APTX: variants seen among roughly 807,000 people sequenced by gnomAD.
The protein encoded by APTX is forkhead-associated domain histidine triad-like protein.
A neutral mutation model predicts 42.3 loss-of-function variants in APTX; 33 were observed. The observed-to-expected ratio is 0.78, with a 90% CI of 0.59 to 1.04. The LOEUF (loss-of-function observed/expected upper bound fraction) is 1.04, where lower values mean the gene tolerates loss of function less well. Among genes scored for constraint, APTX ranks in the 50% least tolerant of loss-of-function variants. The pLI, the probability that APTX is intolerant of heterozygous loss-of-function variation, is 0.00. For synonymous variants in APTX, 130 were observed against 146.7 expected (o/e 0.89, Z 0.82); for missense variants, 421 against 415.1 (o/e 1.01, Z -0.12).
rs371627062 is a variant in APTX, at chr9:32,984,801, G to A, written c.600C>T (p.Tyr200=). The part of the protein sequence containing the change: ...VIKDKYPKAR[Y]HWLVLPWTSI... Reference sequence around the variant, plus strand: ...AGGTCCACGGTAAGACCAGCCAATGGTAACGGGCCTTTGGGTATTTATCCT... The same window carrying A: ...AGGTCCACGGTAAGACCAGCCAATGATAACGGGCCTTTGGGTATTTATCCT... The change falls in exon 6 of 8, where the codon TAC becomes TAT. Residue 200 remains tyrosine (Y), a synonymous_variant. Transcript: ENST00000379817. 1.2e-6 allele frequency: 2 copies of A among 1,614,228 alleles called. No homozygotes were observed. The highest frequency in any genetic ancestry group is 1.7e-5 in the Admixed American group (1 of 60,030).
In APTX at chr9:32,973,600, C is replaced by T. The variant is rs770727980; in HGVS notation, c.927G>A (p.Met309Ile). The T allele has an allele frequency of 1.2e-6, 2 of 1,613,542 alleles. No homozygotes were observed. Among genetic ancestry groups the T allele is most frequent in the Non-Finnish European group, 1.7e-6 (2 of 1,179,948 alleles). The change falls in exon 8 of 8, where the codon ATG becomes ATA. Residue 309 changes from methionine (M) to isoleucine (I), a missense_variant. Coordinates refer to ENST00000379817, the MANE Select transcript of APTX (RefSeq NM_001195248.2). ...GAAGGGGCAGCTTCAAGAGCTCAGGCATCCCATCTCGGACAGTTACTCTAC... is the reference window on the plus strand; with the variant it reads ...GAAGGGGCAGCTTCAAGAGCTCAGGTATCCCATCTCGGACAGTTACTCTAC... Reference protein sequence around the residue: ...EAGRVTVRDGMPELLKLPLRC... With the variant: ...EAGRVTVRDGIPELLKLPLRC...
At chr9:33,019,969 C>A in intron 1 of APTX, 1 of 425,276 alleles carries the variant, frequency 2.4e-6, no homozygotes. Flanking sequence ...GCATTCCTGG[C>A]CCTTGGCCAC....
At chr9:33,025,103 G>C (rs1838763227) in exon 1 of APTX, 1 of 152,356 alleles carries the variant, frequency 6.6e-6, no homozygotes, top group East Asian at 1.9e-4. Context: ...GGGAAGCCGC[G>C]CTAGCACCAA....
At chr9:32,997,465 AAGG>A (rs1835215684) in intron 1 of APTX, 1 of 152,142 alleles carries the variant, frequency 6.6e-6, no homozygotes, top group Non-Finnish European at 1.5e-5. Context: ...GATTGGGAGG[AAGG>A]AGGTGTCAGG....
At chr9:32,992,095 T>C (rs1409100231) in intron 1 of APTX, among the ~76,000 whole-genome samples, 2 of 152,004 alleles carry the variant, frequency 1.3e-5, no homozygotes, top group African/African-American at 4.8e-5. Flanking sequence ...AACAGGGAAT[T>C]ATGGGCAGAG....
intron 6 of APTX, chr9:32,979,500 G>C (rs1830222688): frequency 6.5e-6 from 1 of 153,514 alleles, no homozygotes; most frequent in Non-Finnish European, 1.5e-5. Flanking sequence ...GTGCTGCAAT[G>C]AACATACAAA....
chr9:33,003,611 G>A (rs1262830184), upstream of APTX, among the ~76,000 whole-genome samples: 2 of 151,688 alleles, frequency 1.3e-5, no homozygotes, highest in Non-Finnish European at 2.9e-5. Flanking sequence ...CAGCCTGGGC[G>A]ATAGAGCAAG....
intron 1 of APTX, chr9:33,019,750 AG>A (rs1564006268): frequency 3.4e-6 from 2 of 590,242 alleles, no homozygotes; most frequent in African/African-American, 3.9e-5. Flanking sequence ...GCACCACCAG[AG>A]AAAGATGGTC....
intron 1 of APTX, among the ~76,000 whole-genome samples, chr9:33,013,130 A>G (rs1311131307): frequency 1.3e-5 from 2 of 152,220 alleles, no homozygotes; most frequent in East Asian, 1.9e-4. Context: ...TTTGAATAGG[A>G]TAATTTCTAT....
intron 1 of APTX, among the ~76,000 whole-genome samples, chr9:33,017,024 A>G (rs1304774543): frequency 6.6e-6 from 1 of 152,204 alleles, no homozygotes; most frequent in Non-Finnish European, 1.5e-5. Context: ...CCTACAAATA[A>G]AACTGTTCCT....
chr9:33,019,264 G>A (rs1838165099), intron 1 of APTX, among the ~76,000 whole-genome samples: 1 of 152,000 alleles, frequency 6.6e-6, no homozygotes, highest in Non-Finnish European at 1.5e-5. Flanking sequence ...TAGGAATGAA[G>A]GAGAGAGTTC....
Position 32,973,565 on chromosome 9 carries a change from T to C in APTX, c.962A>G (p.Glu321Gly). Residue 321 changes from glutamate to glycine, a missense_variant, in exon 8 of 8, where the codon GAG (glutamate) becomes GGG (glycine). Transcript: ENST00000379817. ...AATGGAAGGCAGCAGCTGCTGGCAC[T>C]CATGACAACGAAGGGGCAGCTTCAA... ...ELLKLPLRCHECQQLLPSIPQ... is the reference protein window; with the variant it reads ...ELLKLPLRCHGCQQLLPSIPQ... 6.2e-7 allele frequency: 1 copy of C among 1,614,006 alleles called. No homozygotes were observed. Among genetic ancestry groups the C allele is most frequent in the African/African-American group, 1.3e-5 (1 of 74,966 alleles).
upstream of APTX, among the ~76,000 whole-genome samples, chr9:33,003,106 C>T (rs1257002309): frequency 6.6e-6 from 1 of 152,204 alleles, no homozygotes; most frequent in African/African-American, 2.4e-5. Flanking sequence ...CTCAATTAAG[C>T]ATCCCTCTCG....
At chr9:32,987,426 C>T in intron 4 of APTX, 118 bp downstream of exon 4, 1 of 1,365,768 alleles carries the variant, frequency 7.3e-7, no homozygotes, top group Non-Finnish European at 1.0e-6. Context: ...ACAAGTGACT[C>T]TTTCATCATG....
At chr9:33,017,928 G>GCCCCCCCCCCCCC (rs59841021) in intron 1 of APTX, among the ~76,000 whole-genome samples, 1 of 70,798 alleles carries the variant, frequency 1.4e-5, no homozygotes, top group African/African-American at 6.0e-5. Context: ...AGCAACCAGC[G>GCCCCCCCCCCCCC]CCCCCCCCCC....
At position 32,984,875 on chromosome 9, in the gene APTX, G is replaced by T. The variant is rs1255607715; in HGVS notation, c.544-18C>A. 1 of 1,595,958 alleles carries T rather than the reference G, an allele frequency of 6.3e-7. No homozygotes were observed. The stretch of plus-strand genomic sequence containing the variant: ...TTGTAAACCTAGCAGAGGGATACAA[G>T]AGAAGGAAACAGACATCTACTAAGA... On this transcript the variant is annotated intron_variant, in intron 5 of 7. Transcript: ENST00000379817.
intron 1 of APTX, among the ~76,000 whole-genome samples, chr9:33,017,936 C>CCCCA (rs1838028976): frequency 7.7e-6 from 1 of 129,620 alleles, no homozygotes; most frequent in East Asian, 2.3e-4. Context: ...GCGCCCCCCC[C>CCCCA]CCCCTCCCAT....
At chr9:33,006,814 C>A (rs1220266697) in intron 1 of APTX, among the ~76,000 whole-genome samples, 1 of 151,754 alleles carries the variant, frequency 6.6e-6, no homozygotes, top group Admixed American at 6.6e-5. Flanking sequence ...TCCTGGCTAA[C>A]ATGGTGAAAC....
chr9:32,980,612 G>C (rs1328467436), intron 6 of APTX, among the ~76,000 whole-genome samples: 1 of 152,230 alleles, frequency 6.6e-6, no homozygotes, highest in Non-Finnish European at 1.5e-5. Flanking sequence ...GGATAGGGAG[G>C]AACATGGAGA....
Sources: allele counts gnomAD v4.1 joint callset (sites outside exome capture counted in the v4.1 genomes callset), GRCh38; gene constraint gnomAD v4.1.1; transcripts MANE v1.5; gene names NCBI Gene and HGNC (gene_info 2026-07-23, HGNC 2026-07-21).